HIP1R: variants seen among roughly 807,000 people sequenced by gnomAD.
HIP1R encodes huntingtin interacting protein 1 related.
Under a neutral mutation model 144.2 loss-of-function variants are expected in HIP1R, and 135 were observed. The ratio of observed to expected loss-of-function variants is 0.94; its 90% CI spans 0.81 to 1.08. The LOEUF is 1.08. HIP1R is among the 50% of genes least tolerant of loss of function. The pLI, the probability that HIP1R is intolerant of heterozygous loss-of-function variation, is 0.00. For synonymous variants in HIP1R, 698 were observed against 612.8 expected, an observed-to-expected ratio of 1.14 and a Z score of -2.05; for missense variants, 1,462 against 1,432.8, an observed-to-expected ratio of 1.02 and a Z score of -0.33.
chr12:122,839,625 G>A (rs1186320739), intron 1 of HIP1R, among the ~76,000 whole-genome samples: 1 of 152,194 alleles, frequency 6.6e-6, no homozygotes, highest in African/African-American at 2.4e-5. Flanking sequence ...TGTCCAGGAG[G>A]AACCAGAGGC....
rs2033608839 is a variant in HIP1R, at chr12:122,857,137, G to T, written c.1737G>T (p.Glu579Asp). 3 of 1,550,498 alleles carry T rather than the reference G, an allele frequency of 1.9e-6. No individual in the cohort carries two copies. Among genetic ancestry groups the T allele is most frequent in the Middle Eastern group, 3.3e-4 (2 of 5,982 alleles). Residue 579 changes from glutamate to aspartate, a missense_variant, in exon 18 of 32, where the codon GAG (glutamate) becomes GAT (aspartate). Transcript: ENST00000253083. ...TGGCGGCGCAGAGCCTGGTGCGCGA[G>T]ACAGAGGCGGCGCTGAGCCGGGAGC... ...DLLAAQSLVR[E>D]TEAALSREQQ...
In HIP1R at chr12:122,855,740, G is replaced by A. The variant is rs911145879; in HGVS notation, c.1056-91G>A. The A allele has an allele frequency of 4.0e-6, 6 of 1,498,912 alleles. No individual in the cohort carries two copies. The African/African-American group carries it at 7.0e-5, about 17-fold the overall frequency. The allele number at this position is 1,498,912 out of a possible 1,614,324, so 92.9% of individuals were successfully genotyped here. ...TGAACCCGTGAGGTGCCCAAATCCT[G>A]AGTGGCCACTGAGGAGGAGACAGGT... On this transcript the variant is annotated intron_variant, in intron 12 of 31. Coordinates refer to ENST00000253083, the MANE Select transcript of HIP1R (RefSeq NM_003959.3).
intron 3 of HIP1R, 56 bp downstream of exon 3, chr12:122,848,664 T>C: frequency 3.8e-6 from 6 of 1,595,052 alleles, no homozygotes; most frequent in Non-Finnish European, 2.6e-6. Context: ...CCCGCGGACA[T>C]GCGGGCTCTG....
At position 122,861,457 on chromosome 12, in the gene HIP1R, C is replaced by A. The variant is rs750003732; in HGVS notation, c.3102C>A (p.Thr1034=). 3.1e-6 allele frequency: 5 copies of A among 1,613,376 alleles called. No homozygotes were observed. The South Asian group carries it at 3.3e-5, about 11-fold the overall frequency. Residue 1034 remains threonine (T), a synonymous_variant, in exon 31 of 32, where the codon ACC becomes ACA. Transcript: ENST00000253083. The part of the protein sequence containing the change: ...IRPSTAPRSV[T]TKKPPLAQKP... ...CCAGCACTGCCCCCCGAAGTGTAAC[C>A]ACCAAGAAACCACCCCTGGCCCAGA...
intron 28 of HIP1R, 37 bp downstream of exon 28, chr12:122,860,821 G>A: frequency 6.2e-7 from 1 of 1,603,492 alleles, no homozygotes; most frequent in Non-Finnish European, 8.5e-7. Flanking sequence ...ACTGGGCTCT[G>A]GGCCCAGCTT....
intron 4 of HIP1R, among the ~76,000 whole-genome samples, chr12:122,849,523 C>T (rs1433876167): frequency 3.3e-5 from 5 of 152,262 alleles, no homozygotes; most frequent in Admixed American, 6.5e-5. Context: ...CCAGCTGGCC[C>T]GGCCGCAGGG....
intron 7 of HIP1R, 86 bp downstream of exon 7, chr12:122,851,383 G>A (rs1047733684): frequency 1.7e-5 from 19 of 1,145,418 alleles, no homozygotes; most frequent in Non-Finnish European, 2.3e-5. Context: ...AGACATGAGT[G>A]ATCAGACCAA....
In HIP1R at chr12:122,859,499, C is replaced by CA; in HGVS notation, c.2370dup (p.Ser791IlefsTer5). Reference sequence around the variant, plus strand: ...GTGGTCGACAAGGAGATGGCGGCCACATCCGCAGCCATTGAAGATGCTGTG... The same window carrying CA: ...GTGGTCGACAAGGAGATGGCGGCCACAATCCGCAGCCATTGAAGATGCTGTG... On this transcript the variant is annotated frameshift_variant, in exon 23 of 32. Transcript: ENST00000253083. LOFTEE classifies it high-confidence loss of function. 1 of 1,613,358 alleles carries CA rather than the reference C, an allele frequency of 6.2e-7. No individual in the cohort carries two copies. Among genetic ancestry groups the CA allele is most frequent in the Non-Finnish European group, 8.5e-7 (1 of 1,179,856 alleles).
Position 122,856,248 on chromosome 12 carries a change from G to A in HIP1R, c.1313-8G>A, listed in dbSNP as rs770003254. The A allele has an allele frequency of 3.1e-6, 5 of 1,613,628 alleles. No homozygotes were observed. Among genetic ancestry groups the A allele is most frequent in the Non-Finnish European group, 3.4e-6 (4 of 1,179,940 alleles). On this transcript the variant is annotated splice_polypyrimidine_tract_variant and splice_region_variant and intron_variant, in intron 14 of 31. Transcript: ENST00000253083. ...ACGGGGCATCACTGCCCCTCCTCTC[G>A]CCCCCAGGGAAGGCCAGTGCCACGG...
At chr12:122,857,608 C>T in intron 18 of HIP1R, 2 of 375,550 alleles carry the variant, frequency 5.3e-6, no homozygotes, top group Non-Finnish European at 1.0e-5. Flanking sequence ...GTGTGGAACA[C>T]AGTAGAACTG....
chr12:122,850,817 TG>T lies in HIP1R; in HGVS notation c.439-13del. 1 of 1,590,682 alleles carries T rather than the reference TG, an allele frequency of 6.3e-7. No individual in the cohort carries two copies. Among genetic ancestry groups the T allele is most frequent in the East Asian group, 2.3e-5 (1 of 43,076 alleles). On this transcript the variant is annotated splice_polypyrimidine_tract_variant and intron_variant, in intron 5 of 31. Transcript: ENST00000253083. ...GGGCCCTGGTTCAGTGGCCGCTGGG[TG>T]GGGGTTCTCTCCACAGCATCCCCAG...
Position 122,855,315 on chromosome 12 carries a change from G to T in HIP1R, c.903G>T (p.Pro301=). 1.2e-6 allele frequency: 2 copies of T among 1,612,570 alleles called. No individual in the cohort carries two copies. The highest frequency in any genetic ancestry group is 8.5e-7 in the Non-Finnish European group (1 of 1,179,824). ...CAGCCCTGGCTGAGCACATCAAGCC[G>T]GTGGTGGTGATCCCCGAGGAGGCCC... The part of the protein sequence containing the change: ...RASALAEHIK[P]VVVIPEEAPE... Residue 301 remains proline, a synonymous_variant, in exon 11 of 32, where the codon CCG becomes CCT. Transcript: ENST00000253083.
intron 8 of HIP1R, among the ~76,000 whole-genome samples, chr12:122,854,555 G>A (rs1254824345): frequency 1.3e-5 from 2 of 152,184 alleles, no homozygotes; most frequent in African/African-American, 4.8e-5. Context: ...CCCTTGAAAG[G>A]GTCTCGTCCC....
intron 4 of HIP1R, 123 bp downstream of exon 4, chr12:122,848,975 A>G: frequency 1.0e-6 from 1 of 969,658 alleles, no homozygotes; most frequent in South Asian, 1.4e-5. Context: ...CAGGGGCGAC[A>G]GTGGGAGGGG....
chr12:122,850,383 G>C (rs752738864), intron 5 of HIP1R: 11 of 447,604 alleles, frequency 2.5e-5, no homozygotes, highest in Non-Finnish European at 2.7e-5. Flanking sequence ...CCGCTGGGTG[G>C]GGGGGGCCCT....
In HIP1R at chr12:122,835,536, G is replaced by A. The variant is rs1300291670; in HGVS notation, c.-15G>A. 7.5e-7 allele frequency: 1 copy of A among 1,335,242 alleles called. No individual in the cohort carries two copies. The highest frequency in any genetic ancestry group is 2.9e-5 in the Admixed American group (1 of 34,624). 82.7% of individuals were successfully genotyped at this position (1,335,242 alleles called of 1,614,324 possible). A position where few individuals can be genotyped will look rare whatever the true frequency, so the allele number is the denominator to read the frequency against. Reference sequence around the variant, plus strand: ...GCGCGGACGGAGCCGGACAAAAGCGGGCGGCGGCGGCAGGATGAACAGCAT... The same window carrying A: ...GCGCGGACGGAGCCGGACAAAAGCGAGCGGCGGCGGCAGGATGAACAGCAT... On this transcript the variant is annotated 5_prime_UTR_variant, in exon 1 of 32. Transcript: ENST00000253083.
At position 122,859,132 on chromosome 12, in the gene HIP1R, G is replaced by T. The variant is rs767023243; in HGVS notation, c.2230G>T (p.Ala744Ser). The T allele has an allele frequency of 1.3e-6, 2 of 1,591,838 alleles. No individual in the cohort carries two copies. The highest frequency in any genetic ancestry group is 1.8e-5 in the Admixed American group (1 of 56,546). Residue 744 changes from alanine (A) to serine (S), a missense_variant, in exon 22 of 32, where the codon GCT becomes TCT. Coordinates refer to ENST00000253083, the MANE Select transcript of HIP1R (RefSeq NM_003959.3). The stretch of plus-strand genomic sequence containing the variant: ...CATGGGGCAGCTGCAGGACCAGCAG[G>T]CTCTGCGGCACATGCAGGCCAGCCT... ...ELMGQLQDQQ[A>S]LRHMQASLVR...
intron 1 of HIP1R, among the ~76,000 whole-genome samples, 195 bp downstream of exon 1, chr12:122,835,838 G>A (rs1044032023): frequency 5.4e-5 from 8 of 149,458 alleles, no homozygotes; most frequent in African/African-American, 1.9e-4. Context: ...TCCGCGGCCC[G>A]AGCCGACCGG....
At position 122,856,149 on chromosome 12, in the gene HIP1R, G is replaced by T. The variant is rs1286978062; in HGVS notation, c.1298G>T (p.Arg433Leu). 2 of 1,599,596 alleles carry T rather than the reference G, an allele frequency of 1.3e-6. No individual in the cohort carries two copies. Among genetic ancestry groups the T allele is most frequent in the South Asian group, 1.1e-5 (1 of 89,356 alleles). ...GAGGGCGAGCGGAGCCAGGGCCTGC[G>T]TGAGGAGGCTGAGAGTACGTGGGGC... ...QLEGERSQGL[R>L]EEAERKASAT... Residue 433 changes from arginine (R) to leucine (L), a missense_variant, in exon 14 of 32, where the codon CGT (arginine) becomes CTT (leucine). Arg to Leu is a moderately radical substitution (Grantham distance 102, BLOSUM62 -2). This residue lies in a region of HIP1R where 1,112 missense variants were observed against 1,011.7 expected (regional missense o/e 1.10). Coordinates refer to ENST00000253083, the MANE Select transcript of HIP1R (RefSeq NM_003959.3).
Sources: allele counts gnomAD v4.1 joint callset (sites outside exome capture counted in the v4.1 genomes callset), GRCh38; gene constraint gnomAD v4.1.1; regional missense constraint gnomAD v4.1.1; transcripts MANE v1.5; gene names NCBI Gene and HGNC (gene_info 2026-07-23, HGNC 2026-07-21).